ARMC9: variants seen among roughly 807,000 people sequenced by gnomAD.
ARMC9 encodes the protein armadillo repeat containing 9.
ARMC9 carries 94 observed loss-of-function variants against 107.0 expected under a neutral mutation model. The observed-to-expected ratio is 0.88, with a 90% CI of 0.74 to 1.04. The LOEUF (loss-of-function observed/expected upper bound fraction) is 1.04. ARMC9 is among the 50% of genes least tolerant of loss of function. The probability of loss-of-function intolerance (pLI) is 0.00; values close to 1 mark genes in which losing one functional copy is unlikely to be tolerated. For synonymous variants in ARMC9, 380 were observed against 396.9 expected, an observed-to-expected ratio of 0.96 and a Z score of 0.51; for missense variants, 942 against 1,030.1, an observed-to-expected ratio of 0.91 and a Z score of 1.17.
rs768922652 is a variant in ARMC9, at chr2:231,216,744, C to A, written c.455C>A (p.Pro152His). The change falls in exon 5 of 25, where the codon CCT becomes CAT. Residue 152 changes from proline (P) to histidine (H), a missense_variant. Coordinates refer to ENST00000611582, the MANE Select transcript of ARMC9 (RefSeq NM_001352754.2). Reference protein sequence around the residue: ...TTEFLPFYALPFVPNPMVHPS... With the variant: ...TTEFLPFYALHFVPNPMVHPS... ...GAGTTTCTTCCTTTCTATGCCCTTC[C>A]TTTTGTTCCCAACCCTATGGTGCAC... 1.2e-6 allele frequency: 2 copies of A among 1,614,122 alleles called. No individual in the cohort carries two copies. The highest frequency in any genetic ancestry group is 2.2e-5 in the South Asian group (2 of 91,076).
chr2:231,353,739 G>T (rs2045206001), intron 21 of ARMC9, among the ~76,000 whole-genome samples: 1 of 151,860 alleles, frequency 6.6e-6, no homozygotes. Flanking sequence ...TGGATGGAAT[G>T]ATGTTTCTAG....
At chr2:231,286,575 A>G (rs954601480) in intron 17 of ARMC9, among the ~76,000 whole-genome samples, 2 of 152,172 alleles carry the variant, frequency 1.3e-5, no homozygotes, top group Non-Finnish European at 2.9e-5. Flanking sequence ...TCATTTCAAC[A>G]TTTTTATGAG....
chr2:231,291,440 T>C lies in ARMC9; in HGVS notation c.1714T>C (p.Ser572Pro), dbSNP rs752352097. The C allele has an allele frequency of 6.2e-6, 10 of 1,612,670 alleles. No individual in the cohort carries two copies. The highest frequency in any genetic ancestry group is 8.5e-6 in the Non-Finnish European group (10 of 1,179,228). ...AGAATTCATCATCAAGCAGCTAAATTCCGGTCAGTTTGATGCAAGAATCTT... is the reference window on the plus strand; with the variant it reads ...AGAATTCATCATCAAGCAGCTAAATCCCGGTCAGTTTGATGCAAGAATCTT... Reference protein sequence around the residue: ...QIEFIIKQLNSEELPDGVLES... With the variant: ...QIEFIIKQLNPEELPDGVLES... Residue 572 changes from serine to proline, a missense_variant, in exon 18 of 25, where the codon TCC becomes CCC. Transcript: ENST00000611582.
chr2:231,238,654 G>GA (rs1253885343), intron 8 of ARMC9, among the ~76,000 whole-genome samples: 1 of 152,172 alleles, frequency 6.6e-6, no homozygotes, highest in Non-Finnish European at 1.5e-5. Context: ...TGCCAGGCCT[G>GA]AAAAATGAAT....
intron 19 of ARMC9, among the ~76,000 whole-genome samples, chr2:231,323,111 G>A (rs1020819328): frequency 7.2e-5 from 11 of 152,038 alleles, no homozygotes; most frequent in South Asian, 2.1e-4. Context: ...AATGCTTGAG[G>A]CCAGGAGTTA....
At chr2:231,333,104 C>G (rs2043853419) in intron 20 of ARMC9, among the ~76,000 whole-genome samples, 2 of 152,166 alleles carry the variant, frequency 1.3e-5, no homozygotes, top group South Asian at 4.1e-4. Context: ...CACTGGGCCC[C>G]CTGGTCACCT....
At chr2:231,311,685 G>A (rs2042357994) in intron 19 of ARMC9, among the ~76,000 whole-genome samples, 1 of 147,654 alleles carries the variant, frequency 6.8e-6, no homozygotes, top group African/African-American at 2.5e-5. Context: ...AGTGAGAATC[G>A]CTTGAATCCG....
At chr2:231,249,242 G>A (rs1200107757) in intron 9 of ARMC9, among the ~76,000 whole-genome samples, 4 of 152,078 alleles carry the variant, frequency 2.6e-5, no homozygotes, top group Admixed American at 2.6e-4. Flanking sequence ...GGATTTCCCT[G>A]CCCCACAGCC....
At chr2:231,268,896 G>GA (rs913687650) in intron 12 of ARMC9, among the ~76,000 whole-genome samples, 18 of 147,022 alleles carry the variant, frequency 1.2e-4, no homozygotes, top group East Asian at 2.0e-4. Context: ...CATTCTCTAA[G>GA]AAAAAAAAAA....
chr2:231,278,651 C>T lies in ARMC9; in HGVS notation c.1551+193C>T, dbSNP rs189448466. 1.2e-3 allele frequency among the ~76,000 whole-genome samples: 184 copies of T among 152,350 alleles called. 1 individual carries two copies. Among genetic ancestry groups the T allele is most frequent in the Middle Eastern group, 3.4e-3 (1 of 294 alleles). On this transcript the variant is annotated intron_variant, in intron 16 of 24. Transcript: ENST00000611582. ...TTTTTAGAATTTTGGAAGTCAGAAG[C>T]AGGATGTTCTTTCCGTCCCTGTCTG...
At chr2:231,239,372 T>C (rs1476501313) in intron 8 of ARMC9, among the ~76,000 whole-genome samples, 1 of 152,206 alleles carries the variant, frequency 6.6e-6, no homozygotes, top group East Asian at 1.9e-4. Context: ...CAGCCGCACG[T>C]TGTCGAGCAC....
Position 231,371,674 on chromosome 2 carries a change from A to G in ARMC9, c.*139A>G. On this transcript the variant is annotated 3_prime_UTR_variant, in exon 25 of 25. Coordinates refer to ENST00000611582, the MANE Select transcript of ARMC9 (RefSeq NM_001352754.2). ...GGAGCTGAGGGGAGGCCGGCTCTCC[A>G]GGCAGCACCAGAGCAAGGCCATCGC... The G allele has an allele frequency of 2.2e-6, 2 of 890,416 alleles. No homozygotes were observed. Among genetic ancestry groups the G allele is most frequent in the Non-Finnish European group, 3.0e-6 (2 of 676,448 alleles). The allele number at this position is 890,416 out of a possible 1,614,324, so 55.2% of individuals were successfully genotyped here.
chr2:231,256,530 G>C, intron 9 of ARMC9, 56 bp from the exon 10 acceptor site: 1 of 1,582,980 alleles, frequency 6.3e-7, no homozygotes, highest in South Asian at 1.1e-5. Flanking sequence ...TTTGGGATCC[G>C]TGCATTGCTA....
intron 12 of ARMC9, among the ~76,000 whole-genome samples, chr2:231,269,398 C>CTTTTTTTTTTTTTT (rs773618086): frequency 4.4e-5 from 5 of 112,404 alleles, no homozygotes; most frequent in African/African-American, 1.6e-4. Flanking sequence ...TTTTCTTCTT[C>CTTTTTTTTTTTTTT]TTTTTTTTTT....
rs749948079 is a variant in ARMC9, at chr2:231,331,884, C to T, written c.1865C>T (p.Thr622Met). 2.0e-5 allele frequency: 32 copies of T among 1,613,008 alleles called. No homozygotes were observed. The highest frequency in any genetic ancestry group is 2.5e-5 in the Non-Finnish European group (30 of 1,179,272). The stretch of plus-strand genomic sequence containing the variant: ...CTCTCAGGAGAGAAGCTTCTGACCA[C>T]GGAGTACCTGGGGGTAAGTGCCACA... ...GELSGEKLLTTEYLGIMTNTG... is the reference protein window; with the variant it reads ...GELSGEKLLTMEYLGIMTNTG... Residue 622 changes from threonine to methionine, a missense_variant, in exon 20 of 25, where the codon ACG becomes ATG. By Grantham distance (81) the Thr-to-Met change is moderately conservative (BLOSUM62 -1). Transcript: ENST00000611582.
chr2:231,365,124 T>G (rs910532443), intron 23 of ARMC9, among the ~76,000 whole-genome samples: 3 of 152,112 alleles, frequency 2.0e-5, no homozygotes, highest in Admixed American at 6.5e-5. Flanking sequence ...TGGTCTGGCC[T>G]GAGATGAGGC....
intron 21 of ARMC9, 67 bp from the exon 22 acceptor site, chr2:231,355,731 T>C (rs1467531262): frequency 1.4e-5 from 18 of 1,305,880 alleles, no homozygotes; most frequent in Non-Finnish European, 1.8e-5. Flanking sequence ...GATGCTGCAG[T>C]CGGCAGTCGG....
chr2:231,353,039 A>G (rs2045173872), intron 21 of ARMC9, among the ~76,000 whole-genome samples: 1 of 132,854 alleles, frequency 7.5e-6, no homozygotes, highest in South Asian at 2.1e-4. Context: ...CTCAATGGGC[A>G]TGCAATCCAT....
intron 6 of ARMC9, among the ~76,000 whole-genome samples, 161 bp downstream of exon 6, chr2:231,222,981 C>T (rs2034300051): frequency 6.6e-6 from 1 of 152,168 alleles, no homozygotes; most frequent in South Asian, 2.1e-4. Context: ...ATGGCAGGGC[C>T]TATAGAGATC....
Sources: gnomAD v4.1 joint callset for allele counts (sites outside exome capture counted in the v4.1 genomes callset) on GRCh38, gnomAD v4.1.1 for gene constraint, MANE v1.5 for transcripts, NCBI Gene and HGNC (gene_info 2026-07-23, HGNC 2026-07-21) for gene names.